The following DYNLL2 variants were observed in gnomAD, a reference collection of about 807,000 sequenced individuals.
DYNLL2 encodes the protein dynein light chain LC8-type 2.
In DYNLL2, 1 loss-of-function variant was observed where a neutral mutation model predicts 9.7. The observed-to-expected ratio is 0.10, with a 90% CI of 0.04 to 0.49. The LOEUF is 0.49. Among genes scored for constraint, DYNLL2 ranks in the 20% least tolerant of loss-of-function variants. The pLI is 0.95. For synonymous variants in DYNLL2, 35 were observed against 40.5 expected (o/e 0.86, Z 0.52); for missense variants, 37 against 115.2 (o/e 0.32, Z 3.11).
intron 1 of DYNLL2, among the ~76,000 whole-genome samples, chr17:58,085,769 C>G (rs1285499784): frequency 6.6e-6 from 1 of 152,276 alleles, no homozygotes. Context: ...TCTTAGGCAC[C>G]TTTTTAAAAT....
At position 58,089,178 on chromosome 17, in the gene DYNLL2, A is replaced by G. The variant is rs765952435; in HGVS notation, c.169A>G (p.Ile57Val). ...DKKYNPTWHC[I>V]VGRNFGSYVT... ...GAAATATAACCCTACCTGGCATTGT[A>G]TCGTGGGCCGAAATTTTGGCAGCTA... Residue 57 changes from isoleucine to valine, a missense_variant, in exon 3 of 3, where the codon ATC (isoleucine) becomes GTC (valine). Transcript: ENST00000579991. 6.2e-7 allele frequency: 1 copy of G among 1,614,072 alleles called. No homozygotes were observed. Among genetic ancestry groups the G allele is most frequent in the Non-Finnish European group, 8.5e-7 (1 of 1,180,000 alleles).
At chr17:58,086,090 G>T (rs997001328) in intron 1 of DYNLL2, among the ~76,000 whole-genome samples, 11 of 152,154 alleles carry the variant, frequency 7.2e-5, no homozygotes, top group African/African-American at 2.7e-4. Context: ...GACATGTCCT[G>T]TGTGACCGAC....
chr17:58,084,793 C>A (rs1038455485), intron 1 of DYNLL2, among the ~76,000 whole-genome samples: 2 of 152,174 alleles, frequency 1.3e-5, no homozygotes, highest in African/African-American at 2.4e-5. Flanking sequence ...TTCATACTTT[C>A]ACTTTGCTGT....
Position 58,093,592 on chromosome 17 carries a change from T to C in DYNLL2, c.*4313T>C, listed in dbSNP as rs2075787882. 2 of 152,164 alleles carry C rather than the reference T, an allele frequency of 1.3e-5. No homozygotes were observed. Among genetic ancestry groups the C allele is most frequent in the South Asian group, 4.1e-4 (2 of 4,822 alleles). The allele number at this position is 152,164 out of a possible 1,614,324, so 9.4% of individuals were successfully genotyped here. A position where few individuals can be genotyped will look rare whatever the true frequency, so the allele number is the denominator to read the frequency against. ...GGTCTCATGGATACTCTTTAAGATGTAGGCCCAGATCTCTTAGTAGTGAAT... is the reference window on the plus strand; with the variant it reads ...GGTCTCATGGATACTCTTTAAGATGCAGGCCCAGATCTCTTAGTAGTGAAT... On this transcript the variant is annotated 3_prime_UTR_variant, in exon 3 of 3. Transcript: ENST00000579991.
intron 1 of DYNLL2, among the ~76,000 whole-genome samples, chr17:58,085,822 G>A (rs2075758025): frequency 6.6e-6 from 1 of 152,170 alleles, no homozygotes; most frequent in Admixed American, 6.5e-5. Flanking sequence ...TTTTTTAGGG[G>A]AAGGAAGGCT....
chr17:58,084,916 A>G (rs539059527), intron 1 of DYNLL2, among the ~76,000 whole-genome samples: 1 of 151,462 alleles, frequency 6.6e-6, no homozygotes, highest in South Asian at 2.1e-4. Flanking sequence ...ACAGAGCCTT[A>G]TAATGTAAGA....
chr17:58,092,340 C>T lies in DYNLL2; in HGVS notation c.*3061C>T, dbSNP rs547049662. On this transcript the variant is annotated 3_prime_UTR_variant, in exon 3 of 3. Transcript: ENST00000579991. ...TTTCTTCCCTGATGAAAGAGGCAGT[C>T]CAGGTGGCATCTGTGAACAACACAT... 3 of 152,320 alleles carry T rather than the reference C, an allele frequency of 2.0e-5. No homozygotes were observed. Among genetic ancestry groups the T allele is most frequent in the Admixed American group, 1.3e-4 (2 of 15,298 alleles). 9.4% of individuals were successfully genotyped at this position (152,320 alleles called of 1,614,324 possible). A position where few individuals can be genotyped will look rare whatever the true frequency, so the allele number is the denominator to read the frequency against.
intron 1 of DYNLL2, among the ~76,000 whole-genome samples, chr17:58,086,798 G>A (rs2075761520): frequency 6.6e-6 from 1 of 152,174 alleles, no homozygotes; most frequent in African/African-American, 2.4e-5. Flanking sequence ...TTGACTATTG[G>A]TGCTCTTCAG....
Position 58,089,847 on chromosome 17 carries a change from G to T in DYNLL2, c.*568G>T. 2.5e-6 allele frequency: 1 copy of T among 398,778 alleles called. No individual in the cohort carries two copies. The highest frequency in any genetic ancestry group is 4.4e-6 in the Non-Finnish European group (1 of 226,260). The allele number at this position is 398,778 out of a possible 1,614,324, so 24.7% of individuals were successfully genotyped here. A position where few individuals can be genotyped will look rare whatever the true frequency, so the allele number is the denominator to read the frequency against. Reference sequence around the variant, plus strand: ...TCTATGGCTTGGGGCGGAGGGTGGGGTGGGGATGCCTTCTTTAGGGGCCCT... The same window carrying T: ...TCTATGGCTTGGGGCGGAGGGTGGGTTGGGGATGCCTTCTTTAGGGGCCCT... On this transcript the variant is annotated 3_prime_UTR_variant, in exon 3 of 3. Coordinates refer to ENST00000579991, the MANE Select transcript of DYNLL2 (RefSeq NM_080677.3).
At position 58,089,094 on chromosome 17, in the gene DYNLL2, C is replaced by T. The variant is rs780990885; in HGVS notation, c.133-48C>T. Reference sequence around the variant, plus strand: ...GAGACTCCCATTCTGATTTCTCCTTCTCCAGCTACCCTAATTACCTTTCTT... The same window carrying T: ...GAGACTCCCATTCTGATTTCTCCTTTTCCAGCTACCCTAATTACCTTTCTT... On this transcript the variant is annotated intron_variant, in intron 2 of 2. Coordinates refer to ENST00000579991, the MANE Select transcript of DYNLL2 (RefSeq NM_080677.3). 40 of 1,609,896 alleles carry T rather than the reference C, an allele frequency of 2.5e-5. 1 individual carries two copies. Among genetic ancestry groups the T allele is most frequent in the South Asian group, 1.1e-5 (1 of 90,948 alleles).
At chr17:58,085,585 C>G (rs973953775) in intron 1 of DYNLL2, among the ~76,000 whole-genome samples, 1 of 152,166 alleles carries the variant, frequency 6.6e-6, no homozygotes. Flanking sequence ...GGGCTCATCC[C>G]CTCTGTTCCT....
Position 58,089,664 on chromosome 17 carries a change from A to C in DYNLL2, c.*385A>C. On this transcript the variant is annotated 3_prime_UTR_variant, in exon 3 of 3. Transcript: ENST00000579991. ...GAAATAGGTCTCTGGAGGTGGAACT[A>C]AAACTGTGCAGCTGCCTCTTCCTGG... 2.4e-6 allele frequency: 1 copy of C among 414,976 alleles called. No homozygotes were observed. Among genetic ancestry groups the C allele is most frequent in the Non-Finnish European group, 4.2e-6 (1 of 238,476 alleles). 25.7% of individuals were successfully genotyped at this position (414,976 alleles called of 1,614,324 possible).
At position 58,092,945 on chromosome 17, in the gene DYNLL2, C is replaced by G. The variant is rs1216136760; in HGVS notation, c.*3666C>G. On this transcript the variant is annotated 3_prime_UTR_variant, in exon 3 of 3. Coordinates refer to ENST00000579991, the MANE Select transcript of DYNLL2 (RefSeq NM_080677.3). Reference sequence around the variant, plus strand: ...ATCCTGTGCAAGATAGCACCTCTCCCCCATCGCTGTTATCCTTACCCAGTT... The same window carrying G: ...ATCCTGTGCAAGATAGCACCTCTCCGCCATCGCTGTTATCCTTACCCAGTT... The G allele has an allele frequency of 6.6e-6, 1 of 152,236 alleles. No individual in the cohort carries two copies. The highest frequency in any genetic ancestry group is 2.4e-5 in the African/African-American group (1 of 41,458). 9.4% of individuals were successfully genotyped at this position (152,236 alleles called of 1,614,324 possible).
At chr17:58,084,499 T>A (rs1441337573) in intron 1 of DYNLL2, among the ~76,000 whole-genome samples, 1 of 152,120 alleles carries the variant, frequency 6.6e-6, no homozygotes, top group African/African-American at 2.4e-5. Context: ...ATCTTCCTCC[T>A]ATCTGGAGGC....
Position 58,089,395 on chromosome 17 carries a change from G to T in DYNLL2, c.*116G>T. The T allele has an allele frequency of 1.5e-6, 2 of 1,348,404 alleles. No individual in the cohort carries two copies. The highest frequency in any genetic ancestry group is 1.0e-6 in the Non-Finnish European group (1 of 982,028). The allele number at this position is 1,348,404 out of a possible 1,614,324, so 83.5% of individuals were successfully genotyped here. A position where few individuals can be genotyped will look rare whatever the true frequency, so the allele number is the denominator to read the frequency against. Reference sequence around the variant, plus strand: ...TGTCCTCTCCAATGGCTGTGCTACTGCATGGACTGTATACTCGATTTCATG... The same window carrying T: ...TGTCCTCTCCAATGGCTGTGCTACTTCATGGACTGTATACTCGATTTCATG... On this transcript the variant is annotated 3_prime_UTR_variant, in exon 3 of 3. Coordinates refer to ENST00000579991, the MANE Select transcript of DYNLL2 (RefSeq NM_080677.3).
chr17:58,088,081 G>A (rs2075766818), intron 2 of DYNLL2, among the ~76,000 whole-genome samples: 1 of 88,770 alleles, frequency 1.1e-5, no homozygotes, highest in South Asian at 4.8e-4. Flanking sequence ...AACTCCTGGA[G>A]TCCTGAGGGA....
intron 2 of DYNLL2, among the ~76,000 whole-genome samples, chr17:58,087,646 A>C (rs2075765119): frequency 6.6e-6 from 1 of 152,218 alleles, no homozygotes; most frequent in Non-Finnish European, 1.5e-5. Context: ...AATAATCCTC[A>C]TCATGTAGGA....
rs1242687797 is a variant in DYNLL2 at position 58,089,947 on chromosome 17, A to C, written c.*668A>C. 5.0e-6 allele frequency: 2 copies of C among 398,504 alleles called. No homozygotes were observed. The highest frequency in any genetic ancestry group is 8.8e-5 in the Admixed American group (2 of 22,690). The allele number at this position is 398,504 out of a possible 1,614,324, so 24.7% of individuals were successfully genotyped here. The stretch of plus-strand genomic sequence containing the variant: ...CTGTCTTTGTCAGAATTTCTAAGTA[A>C]GGGCTGTGTCTTTGTGGATTACCTT... On this transcript the variant is annotated 3_prime_UTR_variant, in exon 3 of 3. Coordinates refer to ENST00000579991, the MANE Select transcript of DYNLL2 (RefSeq NM_080677.3).
At chr17:58,086,353 C>A (rs1482730651) in intron 1 of DYNLL2, among the ~76,000 whole-genome samples, 1 of 152,242 alleles carries the variant, frequency 6.6e-6, no homozygotes, top group Non-Finnish European at 1.5e-5. Context: ...TCCTGCAACA[C>A]TTTATTTTAC....
Sources: gnomAD v4.1 joint callset for allele counts (sites outside exome capture counted in the v4.1 genomes callset) on GRCh38, gnomAD v4.1.1 for gene constraint, MANE v1.5 for transcripts, NCBI Gene and HGNC (gene_info 2026-07-23, HGNC 2026-07-21) for gene names.